The following RSF1 variants were observed in gnomAD, a reference collection of about 807,000 sequenced individuals.
RSF1 encodes HBV pX-associated protein 8.
In RSF1, 13 loss-of-function variants were observed where a neutral mutation model predicts 145.2. That is an observed-to-expected ratio of 0.09 (90% CI 0.06 to 0.14). The LOEUF (loss-of-function observed/expected upper bound fraction) is 0.14, where lower values mean the gene tolerates loss of function less well. RSF1 is among the 10% of genes least tolerant of loss of function. The pLI, the probability that RSF1 is intolerant of heterozygous loss-of-function variation, is 1.00. For synonymous variants in RSF1, 577 were observed against 592.6 expected (o/e 0.97, Z 0.38); for missense variants, 1,517 against 1,718.2 (o/e 0.88, Z 2.07).
At chr11:77,855,133 T>A in the RSF1 span, among the ~76,000 whole-genome samples, 3 of 152,270 alleles carry the variant, frequency 2.0e-5, no homozygotes, top group East Asian at 5.8e-4. Context: ...TGAGGCCTTG[T>A]ACCTGTCCCA....
intron 3 of RSF1, among the ~76,000 whole-genome samples, chr11:77,743,076 T>C (rs1279373104): frequency 6.6e-6 from 1 of 152,212 alleles, no homozygotes; most frequent in Non-Finnish European, 1.5e-5. Context: ...GTTTCTGGGC[T>C]TTCTATCCTG....
chr11:77,867,234 T>G, the RSF1 span, among the ~76,000 whole-genome samples: 2 of 152,184 alleles, frequency 1.3e-5, no homozygotes, highest in African/African-American at 4.8e-5. Flanking sequence ...CGCCCATTTG[T>G]TATCTCTTTG....
intron 1 of RSF1, chr11:77,813,535 G>A (rs1283562172): frequency 1.3e-6 from 1 of 744,970 alleles, no homozygotes; most frequent in African/African-American, 1.7e-5. Context: ...TTCACTTGGA[G>A]ATTCTTTGCC....
At chr11:77,860,842 C>T in the RSF1 span, among the ~76,000 whole-genome samples, 10 of 152,184 alleles carry the variant, frequency 6.6e-5, no homozygotes, top group South Asian at 2.1e-4. Flanking sequence ...CAGAGTACAA[C>T]GGTTAGGTAC....
intron 1 of RSF1, among the ~76,000 whole-genome samples, chr11:77,795,157 A>G (rs545677985): frequency 1.7e-4 from 26 of 152,238 alleles, no homozygotes; most frequent in Non-Finnish European, 2.2e-4. Context: ...AAAGATCTCT[A>G]CAAGCAAAAC....
Position 77,667,429 on chromosome 11 carries a change from G to T in RSF1, c.3814C>A (p.Arg1272=), listed in dbSNP as rs374487749. ...TCGTCTGTGCTTCGGCCCCGCTTTC[G>T]AACTGACCGCTTTGATTCTTTAGCT... ...ELAKESKRSV[R]KRGRSTDEYS... Residue 1272 remains arginine (R), a synonymous_variant, in exon 16 of 16, where the codon CGA becomes AGA. Coordinates refer to ENST00000308488, the MANE Select transcript of RSF1 (RefSeq NM_016578.4). 50 of 1,613,536 alleles carry T rather than the reference G, an allele frequency of 3.1e-5. No homozygotes were observed. Among genetic ancestry groups the T allele is most frequent in the Middle Eastern group, 3.3e-4 (2 of 6,060 alleles).
At chr11:77,829,293 T>TCAGG in the RSF1 span, among the ~76,000 whole-genome samples, 1 of 152,148 alleles carries the variant, frequency 6.6e-6, no homozygotes, top group South Asian at 2.1e-4. Context: ...GAGATACCAG[T>TCAGG]CAGGCCAGCA....
chr11:77,702,675 G>A, intron 5 of RSF1, 180 bp from the exon 6 acceptor site: 1 of 409,694 alleles, frequency 2.4e-6, no homozygotes, highest in Non-Finnish European at 4.2e-6. Context: ...AAAACTTTGA[G>A]ATACAACTTC....
chr11:77,818,905 CCCT>C (rs1410156612), intron 1 of RSF1, among the ~76,000 whole-genome samples: 4 of 152,172 alleles, frequency 2.6e-5, no homozygotes, highest in African/African-American at 9.6e-5. Context: ...TAATTAGTCA[CCCT>C]CCTATTTTGT....
intron 2 of RSF1, among the ~76,000 whole-genome samples, chr11:77,759,026 C>A (rs184885781): frequency 6.6e-6 from 1 of 152,292 alleles, no homozygotes; most frequent in East Asian, 1.9e-4. Context: ...ATTGCCAGAT[C>A]CAAGGTCATG....
At chr11:77,785,473 C>A (rs1443326975) in intron 1 of RSF1, among the ~76,000 whole-genome samples, 3 of 152,036 alleles carry the variant, frequency 2.0e-5, no homozygotes, top group Non-Finnish European at 2.9e-5. Flanking sequence ...ACCTGTAATC[C>A]CAGCTACTTA....
At chr11:77,732,409 T>A (rs1052425960) in intron 4 of RSF1, among the ~76,000 whole-genome samples, 1 of 152,194 alleles carries the variant, frequency 6.6e-6, no homozygotes, top group African/African-American at 2.4e-5. Flanking sequence ...GAGTTAATGC[T>A]GAAATGAGTC....
rs111968288 is a variant in RSF1 at position 77,677,703 on chromosome 11, G to C, written c.3133+383C>G. ...GAAATTAAGAAACCAATTTTTAATA[G>C]GTTAACTTAAAAATTTTTGGTTTAA... On this transcript the variant is annotated intron_variant, in intron 12 of 15. Coordinates refer to ENST00000308488, the MANE Select transcript of RSF1 (RefSeq NM_016578.4). 1.9e-3 allele frequency among the ~76,000 whole-genome samples: 286 copies of C among 152,150 alleles called. 2 individuals carry two copies. The highest frequency in any genetic ancestry group is 6.8e-3 in the Middle Eastern group (2 of 294).
the RSF1 span, among the ~76,000 whole-genome samples, chr11:77,843,906 G>A: frequency 6.6e-6 from 1 of 152,108 alleles, no homozygotes. Flanking sequence ...ATGGTGGCAG[G>A]CAAAGAGAGC....
upstream of RSF1, among the ~76,000 whole-genome samples, chr11:77,823,352 C>G (rs1482532255): frequency 6.6e-6 from 1 of 150,720 alleles, no homozygotes; most frequent in Non-Finnish European, 1.5e-5. Flanking sequence ...AAATGAAACA[C>G]AAAACTAAAC....
At chr11:77,772,084 G>C (rs976255706) in intron 1 of RSF1, among the ~76,000 whole-genome samples, 13 of 152,042 alleles carry the variant, frequency 8.6e-5, no homozygotes, top group African/African-American at 2.9e-4. Context: ...ATGACTTTTA[G>C]TTTAATCACA....
chr11:77,712,841 A>G (rs1960719537), intron 5 of RSF1, among the ~76,000 whole-genome samples: 1 of 152,188 alleles, frequency 6.6e-6, no homozygotes, highest in South Asian at 2.1e-4. Context: ...ATATTTTGTT[A>G]CTAAAACTCT....
At position 77,675,099 on chromosome 11, in the gene RSF1, G is replaced by C; in HGVS notation, c.3499C>G (p.Pro1167Ala). The C allele has an allele frequency of 6.2e-7, 1 of 1,613,268 alleles. No homozygotes were observed. The highest frequency in any genetic ancestry group is 8.5e-7 in the Non-Finnish European group (1 of 1,179,754). Residue 1167 changes from proline (P) to alanine (A), a missense_variant, in exon 14 of 16, where the codon CCA (proline) becomes GCA (alanine). Physicochemically the swap from Pro to Ala is conservative, Grantham distance 27. Transcript: ENST00000308488. ...RQSRRLRRKT[P>A]KKKYSDDDEE... is the part of the protein sequence containing the mutation. ...TCATCATCGGAATATTTTTTCTTTG[G>C]GGTCTTTCTTCGCAAACGCCTGCTC...
At chr11:77,725,831 A>G in intron 4 of RSF1, 132 bp from the exon 5 acceptor site, 1 of 577,110 alleles carries the variant, frequency 1.7e-6, no homozygotes, top group Non-Finnish European at 2.7e-6. Context: ...TGGTACAGCT[A>G]GCCCTAATTA....
Sources: allele counts gnomAD v4.1 joint callset (sites outside exome capture counted in the v4.1 genomes callset), GRCh38; gene constraint gnomAD v4.1.1; transcripts MANE v1.5; gene names NCBI Gene and HGNC (gene_info 2026-07-23, HGNC 2026-07-21).